FAT4: variants seen among roughly 807,000 people sequenced by gnomAD.
FAT4 encodes protocadherin Fat 4.
Under a neutral mutation model 303.9 loss-of-function variants are expected in FAT4, and 84 were observed. That is an observed-to-expected ratio of 0.28 (90% CI 0.23 to 0.33). FAT4 has a LOEUF of 0.33. FAT4 is among the 10% of genes least tolerant of loss of function. The pLI, the probability that FAT4 is intolerant of heterozygous loss-of-function variation, is 1.00. For synonymous variants in FAT4, 2,307 were observed against 2,298.8 expected, an observed-to-expected ratio of 1.00 and a Z score of -0.10; for missense variants, 6,005 against 6,146.8, an observed-to-expected ratio of 0.98 and a Z score of 0.77.
intron 11 of FAT4, among the ~76,000 whole-genome samples, chr4:125,464,597 C>A (rs1374193951): frequency 6.6e-6 from 1 of 151,688 alleles, no homozygotes; most frequent in African/African-American, 2.4e-5. Context: ...TATACATGTG[C>A]CATGTTGGTT....
intron 2 of FAT4, among the ~76,000 whole-genome samples, chr4:125,348,648 A>T (rs1262386070): frequency 6.6e-6 from 1 of 151,700 alleles, no homozygotes; most frequent in Admixed American, 6.6e-5. Flanking sequence ...AAATATGTTC[A>T]GATTAAGTAA....
intron 8 of FAT4, among the ~76,000 whole-genome samples, chr4:125,444,333 T>A (rs1329448204): frequency 6.6e-6 from 1 of 152,124 alleles, no homozygotes; most frequent in Admixed American, 6.6e-5. Context: ...TGAGCAATCA[T>A]GTGAGACAGA....
intron 7 of FAT4, among the ~76,000 whole-genome samples, chr4:125,418,275 T>G (rs1423883980): frequency 3.3e-5 from 5 of 152,218 alleles, no homozygotes; most frequent in Non-Finnish European, 7.3e-5. Context: ...CTTTGCATTT[T>G]TTTTGAACTA....
chr4:125,407,519 C>T (rs183809086), intron 4 of FAT4, among the ~76,000 whole-genome samples: 11 of 151,958 alleles, frequency 7.2e-5, no homozygotes, highest in South Asian at 2.1e-4. Context: ...TTGATTCTAA[C>T]GCTCACTAGC....
rs564213432 is a variant in FAT4, at chr4:125,408,295, G to A, written c.5570-149G>A. 1.1e-5 allele frequency: 6 copies of A among 537,532 alleles called. No individual in the cohort carries two copies. In the East Asian group the frequency reaches 1.8e-4, roughly 16 times the overall value. The allele number at this position is 537,532 out of a possible 1,614,324, so 33.3% of individuals were successfully genotyped here. A position where few individuals can be genotyped will look rare whatever the true frequency, so the allele number is the denominator to read the frequency against. On this transcript the variant is annotated intron_variant, in intron 4 of 17. Coordinates refer to ENST00000394329, the MANE Select transcript of FAT4 (RefSeq NM_001291303.3). ...TAGGGAAATGGTAATATCAAAATCT[G>A]CAGAATGTTATGTTCACTGTATTTT...
Position 125,487,534 on chromosome 4 carries a change from G to C in FAT4, c.13012G>C (p.Gly4338Arg). Residue 4338 changes from glycine (G) to arginine (R), a missense_variant, in exon 17 of 18, where the codon GGT becomes CGT. Coordinates refer to ENST00000394329, the MANE Select transcript of FAT4 (RefSeq NM_001291303.3). The part of the protein sequence containing the change: ...RDIIHPTQDF[G>R]GLDVLTISLG... ...TATTATCCACCCTACTCAGGACTTC[G>C]GTGGCCTTGATGTGCTTACTATATC... 6.2e-7 allele frequency: 1 copy of C among 1,613,758 alleles called. No individual in the cohort carries two copies. The highest frequency in any genetic ancestry group is 1.1e-5 in the South Asian group (1 of 91,008).
chr4:125,490,701 A>G lies in FAT4; in HGVS notation c.13885A>G (p.Ser4629Gly). 1 of 1,614,186 alleles carries G rather than the reference A, an allele frequency of 6.2e-7. No homozygotes were observed. The highest frequency in any genetic ancestry group is 8.5e-7 in the Non-Finnish European group (1 of 1,180,038). ...IEHYDIDNAS[S>G]IAPSDADIIQ... ...GCACTATGACATTGACAACGCCAGC[A>G]GCATCGCCCCTTCGGATGCAGACAT... Residue 4629 changes from serine to glycine, a missense_variant, in exon 18 of 18, where the codon AGC (serine) becomes GGC (glycine). Transcript: ENST00000394329.
At chr4:125,351,275 AG>A (rs1175551626) in intron 2 of FAT4, among the ~76,000 whole-genome samples, 2 of 151,838 alleles carry the variant, frequency 1.3e-5, no homozygotes, top group African/African-American at 4.8e-5. Context: ...ATAAAACAAT[AG>A]AACAATTACT....
intron 14 of FAT4, among the ~76,000 whole-genome samples, chr4:125,479,028 C>G (rs1350021728): frequency 6.6e-6 from 1 of 152,050 alleles, no homozygotes; most frequent in East Asian, 1.9e-4. Context: ...CCATGTTGGG[C>G]CTCGGTGTTT....
At chr4:125,331,987 T>C (rs1345361060) in intron 2 of FAT4, among the ~76,000 whole-genome samples, 1 of 152,156 alleles carries the variant, frequency 6.6e-6, no homozygotes, top group Non-Finnish European at 1.5e-5. Context: ...TCCTCATTTG[T>C]AAAATGGTAA....
At chr4:125,444,465 A>G (rs2126053110) in intron 8 of FAT4, among the ~76,000 whole-genome samples, 1 of 152,172 alleles carries the variant, frequency 6.6e-6, no homozygotes, top group East Asian at 1.9e-4. Flanking sequence ...GGTCTAATTC[A>G]CCTCTTAAAG....
At chr4:125,458,776 A>G (rs1000473833) in intron 10 of FAT4, among the ~76,000 whole-genome samples, 1 of 151,938 alleles carries the variant, frequency 6.6e-6, no homozygotes, top group African/African-American at 2.4e-5. Flanking sequence ...TACAAGACAA[A>G]GGTAAAAACT....
chr4:125,422,013 A>G (rs1346604816), intron 7 of FAT4, among the ~76,000 whole-genome samples: 2 of 152,124 alleles, frequency 1.3e-5, no homozygotes, highest in Non-Finnish European at 2.9e-5. Context: ...TACTTTATTC[A>G]TTTCACTTTA....
intron 15 of FAT4, 27 bp downstream of exon 15, chr4:125,479,892 G>A (rs1332274165): frequency 6.1e-6 from 9 of 1,481,390 alleles, no homozygotes; most frequent in Non-Finnish European, 8.2e-6. Context: ...GTCTTCCCCT[G>A]GAAATTTTAA....
Position 125,490,809 on chromosome 4 carries a change from TC to T in FAT4, c.13998del (p.Met4667CysfsTer3), listed in dbSNP as rs1383231972. 1 of 1,614,000 alleles carries T rather than the reference TC, an allele frequency of 6.2e-7. No homozygotes were observed. Among genetic ancestry groups the T allele is most frequent in the Non-Finnish European group, 8.5e-7 (1 of 1,179,996 alleles). ...CAGTCCCCTAGGCTTTGCAAGGCAATCCCCCATGCCCTTAGGAGCAAGCAGT... is the reference window on the plus strand; with the variant it reads ...CAGTCCCCTAGGCTTTGCAAGGCAATCCCCATGCCCTTAGGAGCAAGCAGT... ...RHSPLGFARQ[S>X]PMPLGASSLT... On this transcript the variant is annotated frameshift_variant, in exon 18 of 18. Transcript: ENST00000394329. LOFTEE classifies it high-confidence loss of function.
At chr4:125,405,593 C>T (rs1260421098) in intron 3 of FAT4, among the ~76,000 whole-genome samples, 1 of 151,968 alleles carries the variant, frequency 6.6e-6, no homozygotes, top group Non-Finnish European at 1.5e-5. Flanking sequence ...TCACTGCAAG[C>T]TCTGCCTCCC....
At position 125,487,518 on chromosome 4, in the gene FAT4, C is replaced by T. The variant is rs1727450621; in HGVS notation, c.12996C>T (p.His4332=). ...VDRIYNRDII[H]PTQDFGGLDV... is the part of the protein sequence containing the mutation. ...GAATATATAACAGAGATATTATCCA[C>T]CCTACTCAGGACTTCGGTGGCCTTG... The change falls in exon 17 of 18, where the codon CAC becomes CAT. Residue 4332 remains histidine, a synonymous_variant. Coordinates refer to ENST00000394329, the MANE Select transcript of FAT4 (RefSeq NM_001291303.3). The T allele has an allele frequency of 6.2e-7, 1 of 1,613,950 alleles. No individual in the cohort carries two copies. The highest frequency in any genetic ancestry group is 2.2e-5 in the East Asian group (1 of 44,858).
intron 2 of FAT4, among the ~76,000 whole-genome samples, chr4:125,334,218 C>T (rs1731488389): frequency 6.6e-6 from 1 of 152,084 alleles, no homozygotes; most frequent in African/African-American, 2.4e-5. Context: ...CTCCCAAAGA[C>T]ATCTCCCAAA....
chr4:125,478,038 G>A (rs1727094294), intron 14 of FAT4, among the ~76,000 whole-genome samples: 2 of 151,986 alleles, frequency 1.3e-5, no homozygotes, highest in African/African-American at 4.8e-5. Flanking sequence ...TATTTTAACT[G>A]TTGCTATACA....
Sources: allele counts gnomAD v4.1 joint callset (sites outside exome capture counted in the v4.1 genomes callset), GRCh38; gene constraint gnomAD v4.1.1; transcripts MANE v1.5; gene names NCBI Gene and HGNC (gene_info 2026-07-23, HGNC 2026-07-21).